The following AHCYL2 variants were observed in gnomAD, a reference collection of about 807,000 sequenced individuals.
AHCYL2 encodes the protein adenosylhomocysteinase like 2, also known as S-adenosylhomocysteine hydrolase-like protein 2.
AHCYL2 carries 28 observed loss-of-function variants against 81.4 expected under a neutral mutation model. The observed-to-expected ratio is 0.34, with a 90% CI of 0.25 to 0.47. AHCYL2 has a LOEUF of 0.47. AHCYL2 is among the 20% of genes least tolerant of loss of function. The probability of loss-of-function intolerance (pLI) is 1.00; values close to 1 mark genes in which losing one functional copy is unlikely to be tolerated. For missense variants in AHCYL2, 551 were observed against 785.1 expected (o/e 0.70, Z 3.56); for synonymous variants, 272 against 290.2 (o/e 0.94, Z 0.64).
chr7:129,400,386 T>A lies in AHCYL2; in HGVS notation c.918+2T>A, dbSNP rs1373514199. ...GTGGAGGGCTGGCAGCCAAACATGG[T>A]GGGTCAGATTTCTGCTAACACAATT... is the stretch of plus-strand genomic sequence containing the variant. On this transcript the variant is annotated splice_donor_variant, in intron 6 of 16. Coordinates refer to ENST00000325006, the MANE Select transcript of AHCYL2 (RefSeq NM_015328.4). LOFTEE classifies it high-confidence loss of function. The A allele has an allele frequency of 6.2e-7, 1 of 1,612,642 alleles. No individual in the cohort carries two copies. The highest frequency in any genetic ancestry group is 8.5e-7 in the Non-Finnish European group (1 of 1,179,154).
rs1584758350 is a variant in AHCYL2, at chr7:129,299,399, T to G, written c.363+73960T>G. Among the ~76,000 whole-genome samples, 5 of 89,684 alleles carry G rather than the reference T, an allele frequency of 5.6e-5. 1 individual carries two copies. The highest frequency in any genetic ancestry group is 8.3e-4 in the South Asian group (2 of 2,404). The allele number at this position is 89,684 out of a possible 152,430, so 58.8% of individuals were successfully genotyped here. A position where few individuals can be genotyped will look rare whatever the true frequency, so the allele number is the denominator to read the frequency against. On this transcript the variant is annotated intron_variant, in intron 1 of 16. Transcript: ENST00000325006. ...TTTTTTTTTTTTTTTTTTTTTTTTT[T>G]TTTTTTTTTTTTGAGATGGAGTCTC...
chr7:129,360,395 C>T (rs1185606338), intron 1 of AHCYL2, among the ~76,000 whole-genome samples: 6 of 152,206 alleles, frequency 3.9e-5, no homozygotes, highest in African/African-American at 9.7e-5. Context: ...GGATTACAGG[C>T]GTGAGCCACC....
At chr7:129,391,141 G>A (rs1416865349) in intron 4 of AHCYL2, among the ~76,000 whole-genome samples, 1 of 152,096 alleles carries the variant, frequency 6.6e-6, no homozygotes, top group Non-Finnish European at 1.5e-5. Flanking sequence ...AGTATTATTT[G>A]AAGACAGAAA....
chr7:129,293,502 C>A (rs781171550), intron 1 of AHCYL2, among the ~76,000 whole-genome samples: 1 of 151,868 alleles, frequency 6.6e-6, no homozygotes, highest in Admixed American at 6.6e-5. Flanking sequence ...ATGGCAAAAC[C>A]CCATCTCTAC....
intron 1 of AHCYL2, among the ~76,000 whole-genome samples, chr7:129,255,453 AT>A (rs1795381661): frequency 6.6e-6 from 1 of 152,226 alleles, no homozygotes; most frequent in Admixed American, 6.5e-5. Context: ...GACTAGCCAC[AT>A]TTCAAGAGTT....
chr7:129,352,758 T>C (rs1793610084), intron 1 of AHCYL2, among the ~76,000 whole-genome samples: 1 of 152,114 alleles, frequency 6.6e-6, no homozygotes, highest in African/African-American at 2.4e-5. Flanking sequence ...AGGTATCTCA[T>C]TGGTCTTCCC....
intron 1 of AHCYL2, among the ~76,000 whole-genome samples, chr7:129,341,386 G>A (rs576087440): frequency 1.3e-5 from 2 of 152,260 alleles, no homozygotes; most frequent in East Asian, 3.9e-4. Flanking sequence ...CTCCTTCCTG[G>A]TAAGGGAAGT....
chr7:129,370,217 G>C (rs1385191562), intron 1 of AHCYL2, among the ~76,000 whole-genome samples: 1 of 152,092 alleles, frequency 6.6e-6, no homozygotes, highest in Non-Finnish European at 1.5e-5. Flanking sequence ...TTCAGTAGTG[G>C]CTCCTGCTGA....
Position 129,324,085 on chromosome 7 carries a change from G to A in AHCYL2, c.364-55553G>A, listed in dbSNP as rs377753399. ...GTAGATTTTGTAGATTTTTGTAGAT[G>A]TTGGCCAGGATGGTCTTGAACTCCT... On this transcript the variant is annotated intron_variant, in intron 1 of 16. Coordinates refer to ENST00000325006, the MANE Select transcript of AHCYL2 (RefSeq NM_015328.4). 5.2e-5 allele frequency among the ~76,000 whole-genome samples: 5 copies of A among 96,890 alleles called. No homozygotes were observed. In the South Asian group the frequency reaches 1.5e-3, roughly 28 times the overall value. 63.6% of individuals were successfully genotyped at this position (96,890 alleles called of 152,430 possible). A position where few individuals can be genotyped will look rare whatever the true frequency, so the allele number is the denominator to read the frequency against.
intron 6 of AHCYL2, among the ~76,000 whole-genome samples, chr7:129,401,270 C>G (rs1015693305): frequency 1.3e-5 from 2 of 151,926 alleles, no homozygotes. Flanking sequence ...GTGGAGGTTG[C>G]AGTGAGCCGA....
chr7:129,412,561 A>G (rs1796637522), intron 11 of AHCYL2, among the ~76,000 whole-genome samples: 1 of 152,046 alleles, frequency 6.6e-6, no homozygotes. Flanking sequence ...GATTACAGTC[A>G]TGAGCCACTG....
chr7:129,268,389 C>T (rs200566992), intron 1 of AHCYL2, among the ~76,000 whole-genome samples: 1 of 151,956 alleles, frequency 6.6e-6, no homozygotes, highest in East Asian at 1.9e-4. Context: ...ACTCTGTTGC[C>T]CAGGCTGGAG....
intron 1 of AHCYL2, among the ~76,000 whole-genome samples, chr7:129,347,761 C>T (rs71577875): frequency 0.023 from 3,504 of 152,054 alleles, 71 homozygotes; most frequent in Admixed American, 0.056. Context: ...GTAGAAATGA[C>T]GAGGGAAAAC....
intron 1 of AHCYL2, among the ~76,000 whole-genome samples, chr7:129,341,506 T>C (rs1793179300): frequency 1.3e-5 from 2 of 152,198 alleles, no homozygotes; most frequent in Admixed American, 1.3e-4. Context: ...ATAGTTCTTA[T>C]GCCAGGGTAG....
At chr7:129,397,630 C>A (rs763295170) in intron 5 of AHCYL2, among the ~76,000 whole-genome samples, 3 of 152,170 alleles carry the variant, frequency 2.0e-5, no homozygotes, top group Non-Finnish European at 2.9e-5. Context: ...ACTGAGGTAA[C>A]ATGGATTAAA....
At chr7:129,375,800 G>A (rs1794655201) in intron 1 of AHCYL2, 6 of 1,530,404 alleles carry the variant, frequency 3.9e-6, no homozygotes, top group Admixed American at 2.0e-5. Context: ...TTGCTGATGA[G>A]GAAAGTTTAA....
chr7:129,365,743 G>A (rs1229009219), intron 1 of AHCYL2, among the ~76,000 whole-genome samples: 2 of 151,258 alleles, frequency 1.3e-5, no homozygotes, highest in African/African-American at 4.9e-5. Context: ...TGGTGGAGGA[G>A]GGCACAGAAA....
At chr7:129,330,127 C>T (rs1268535394) in intron 1 of AHCYL2, among the ~76,000 whole-genome samples, 1 of 152,214 alleles carries the variant, frequency 6.6e-6, no homozygotes, top group East Asian at 1.9e-4. Context: ...CCTCAGCCTC[C>T]TGAGTAGCTG....
At chr7:129,240,218 C>CA (rs951367301) in intron 1 of AHCYL2, among the ~76,000 whole-genome samples, 8 of 149,854 alleles carry the variant, frequency 5.3e-5, no homozygotes, top group African/African-American at 2.0e-4. Flanking sequence ...AAATCCGCCT[C>CA]AAAAAAAAAA....
Sources: gnomAD v4.1 joint callset for allele counts (sites outside exome capture counted in the v4.1 genomes callset) on GRCh38, gnomAD v4.1.1 for gene constraint, MANE v1.5 for transcripts, NCBI Gene and HGNC (gene_info 2026-07-23, HGNC 2026-07-21) for gene names.